The following PIK3C2A variants were observed in gnomAD, a reference collection of about 807,000 sequenced individuals.
PIK3C2A encodes phosphatidylinositol-4-phosphate 3-kinase catalytic subunit type 2 alpha, also known as phosphatidylinositol 4-phosphate 3-kinase C2 domain-containing subunit alpha.
Under a neutral mutation model 204.5 loss-of-function variants are expected in PIK3C2A, and 97 were observed. The observed-to-expected ratio is 0.47, with a 90% CI of 0.40 to 0.56. The LOEUF (loss-of-function observed/expected upper bound fraction) is 0.56, where lower values mean the gene tolerates loss of function less well. PIK3C2A is among the 20% of genes least tolerant of loss of function. The probability of loss-of-function intolerance (pLI) is 0.00; values close to 1 mark genes in which losing one functional copy is unlikely to be tolerated. For synonymous variants in PIK3C2A, 653 were observed against 664.4 expected, an observed-to-expected ratio of 0.98 and a Z score of 0.26; for missense variants, 1,735 against 1,969.2, an observed-to-expected ratio of 0.88 and a Z score of 2.25.
Position 17,169,684 on chromosome 11 carries a change from G to T in PIK3C2A, c.58C>A (p.Pro20Thr). ...TTGTCCACATCTTTTGCTCTTGTTG[G>T]TTCCGGATGTGAAGATGGACATTCT... The part of the protein sequence containing the change: ...FKECPSSHPE[P>T]TRAKDVDKEE... The change falls in exon 2 of 33, where the codon CCA (proline) becomes ACA (threonine). Residue 20 changes from proline to threonine, a missense_variant. Around this residue, in one of 6 missense-constraint regions of PIK3C2A, gnomAD observed 536 missense variants for 546.7 expected, o/e 0.98. Coordinates refer to ENST00000691414, the MANE Select transcript of PIK3C2A (RefSeq NM_002645.4). 2 of 1,610,502 alleles carry T rather than the reference G, an allele frequency of 1.2e-6. No individual in the cohort carries two copies. Among genetic ancestry groups the T allele is most frequent in the South Asian group, 1.1e-5 (1 of 90,924 alleles).
At chr11:17,173,947 C>T (rs1398922766) in intron 1 of PIK3C2A, among the ~76,000 whole-genome samples, 4 of 152,066 alleles carry the variant, frequency 2.6e-5, no homozygotes, top group Admixed American at 6.6e-5. Flanking sequence ...GGATTACAGG[C>T]GCTCGCCACC....
intron 1 of PIK3C2A, among the ~76,000 whole-genome samples, chr11:17,207,592 G>A (rs1852631214): frequency 6.6e-6 from 1 of 152,164 alleles, no homozygotes; most frequent in African/African-American, 2.4e-5. Flanking sequence ...CGAGAAGAGG[G>A]GCCTGGTGGG....
rs773671986 is a variant in PIK3C2A at position 17,122,756 on chromosome 11, A to G, written c.2457T>C (p.Ser819=). The change falls in exon 14 of 33, where the codon TCT becomes TCC. Residue 819 remains serine (S), a synonymous_variant. Coordinates refer to ENST00000691414, the MANE Select transcript of PIK3C2A (RefSeq NM_002645.4). The part of the protein sequence containing the change: ...LYLWTSSHTN[S]VPGTVTKKGY... ...CTTTTTTGGTAACTGTTCCAGGAAC[A>G]GAATTTGTATGTGATGAAGTCCAAA... 4 of 1,576,502 alleles carry G rather than the reference A, an allele frequency of 2.5e-6. No homozygotes were observed. Among genetic ancestry groups the G allele is most frequent in the Non-Finnish European group, 3.5e-6 (4 of 1,148,902 alleles).
intron 11 of PIK3C2A, among the ~76,000 whole-genome samples, chr11:17,132,840 A>G (rs1271862956): frequency 6.6e-6 from 1 of 152,160 alleles, no homozygotes; most frequent in Non-Finnish European, 1.5e-5. Context: ...GGAGTCTTCC[A>G]TTTATGGGGA....
chr11:17,186,066 C>T (rs1349975903), intron 1 of PIK3C2A, among the ~76,000 whole-genome samples: 1 of 152,204 alleles, frequency 6.6e-6, no homozygotes, highest in Non-Finnish European at 1.5e-5. Context: ...GCTTCCATCA[C>T]ACTGGCCCCC....
At chr11:17,095,226 A>C (rs1408707397) in intron 27 of PIK3C2A, among the ~76,000 whole-genome samples, 1 of 152,084 alleles carries the variant, frequency 6.6e-6, no homozygotes, top group African/African-American at 2.4e-5. Flanking sequence ...ACACTGCATC[A>C]CTGCACTCCA....
At chr11:17,153,132 T>C (rs1458005358) in intron 3 of PIK3C2A, among the ~76,000 whole-genome samples, 1 of 152,138 alleles carries the variant, frequency 6.6e-6, no homozygotes, top group African/African-American at 2.4e-5. Flanking sequence ...TATTTAACAC[T>C]ATTAGATGAA....
intron 32 of PIK3C2A, among the ~76,000 whole-genome samples, chr11:17,090,267 A>T (rs551911961): frequency 6.6e-6 from 1 of 152,266 alleles, no homozygotes; most frequent in East Asian, 1.9e-4. Flanking sequence ...TTGGGAGTTT[A>T]CAACTAGCCT....
chr11:17,111,288 A>G (rs1489392388), intron 21 of PIK3C2A, among the ~76,000 whole-genome samples: 1 of 152,184 alleles, frequency 6.6e-6, no homozygotes. Flanking sequence ...ATCAATGCCA[A>G]TATCCTGATT....
intron 8 of PIK3C2A, among the ~76,000 whole-genome samples, chr11:17,143,228 T>C (rs1430910566): frequency 3.9e-5 from 6 of 152,168 alleles, no homozygotes; most frequent in Non-Finnish European, 5.9e-5. Flanking sequence ...ACTCATACTC[T>C]TTCCCCTTCA....
At chr11:17,101,606 T>G (rs569233374) in intron 24 of PIK3C2A, among the ~76,000 whole-genome samples, 172 bp from the exon 25 acceptor site, 1 of 151,434 alleles carries the variant, frequency 6.6e-6, no homozygotes, top group Admixed American at 6.6e-5. Flanking sequence ...TCTTTTTTTT[T>G]CTTTTTTTTT....
rs745819112 is a variant in PIK3C2A, at chr11:17,169,304, T to C, written c.438A>G (p.Leu146=). 6.2e-7 allele frequency: 1 copy of C among 1,614,170 alleles called. No individual in the cohort carries two copies. Among genetic ancestry groups the C allele is most frequent in the South Asian group, 1.1e-5 (1 of 91,082 alleles). The change falls in exon 2 of 33, where the codon TTA becomes TTG. Residue 146 remains leucine (L), a synonymous_variant. Transcript: ENST00000691414. ...GTAAAGCATAAGTGGAAGGCCCAGG[T>C]AATCCAGGTGGCCACTGTCCTCTCT... ...TIQRGQWPPG[L]PGPSTYALPS...
At chr11:17,107,794 C>T (rs1405564967) in intron 22 of PIK3C2A, among the ~76,000 whole-genome samples, 2 of 152,102 alleles carry the variant, frequency 1.3e-5, no homozygotes, top group South Asian at 2.1e-4. Flanking sequence ...CAGGGTACCC[C>T]GATAGAAAGT....
intron 1 of PIK3C2A, among the ~76,000 whole-genome samples, chr11:17,181,320 A>C (rs1565296841): frequency 6.7e-6 from 1 of 149,206 alleles, no homozygotes; most frequent in African/African-American, 2.5e-5. Context: ...GAAGTTATCT[A>C]AGAGCCCCCA....
intron 25 of PIK3C2A, among the ~76,000 whole-genome samples, 158 bp downstream of exon 25, chr11:17,101,120 T>C (rs1848611142): frequency 6.6e-6 from 1 of 152,236 alleles, no homozygotes; most frequent in Non-Finnish European, 1.5e-5. Flanking sequence ...TCTGGCTTAT[T>C]TCACACGGCA....
At chr11:17,192,093 G>A (rs756586199) in intron 1 of PIK3C2A, among the ~76,000 whole-genome samples, 3 of 151,994 alleles carry the variant, frequency 2.0e-5, no homozygotes, top group Admixed American at 6.6e-5. Flanking sequence ...TGCAGCAAGC[G>A]GAGATCGCAC....
At chr11:17,157,459 C>CAAAA (rs11387654) in intron 2 of PIK3C2A, among the ~76,000 whole-genome samples, 2 of 99,616 alleles carry the variant, frequency 2.0e-5, no homozygotes, top group Non-Finnish European at 3.8e-5. Flanking sequence ...GACTCTGTCT[C>CAAAA]AAAAAAAAAA....
chr11:17,094,969 C>T (rs1848411173), intron 27 of PIK3C2A, among the ~76,000 whole-genome samples: 1 of 152,104 alleles, frequency 6.6e-6, no homozygotes, highest in South Asian at 2.1e-4. Flanking sequence ...AAAGTGTAAG[C>T]TGGGCACGGT....
chr11:17,101,085 G>A (rs1262549493), intron 25 of PIK3C2A, among the ~76,000 whole-genome samples, 193 bp downstream of exon 25: 1 of 152,144 alleles, frequency 6.6e-6, no homozygotes, highest in Non-Finnish European at 1.5e-5. Flanking sequence ...TATACAAATG[G>A]AGTCAGACAG....
Sources: gnomAD v4.1 joint callset for allele counts (sites outside exome capture counted in the v4.1 genomes callset) on GRCh38, gnomAD v4.1.1 for gene constraint, gnomAD v4.1.1 regional missense constraint, MANE v1.5 for transcripts, NCBI Gene and HGNC (gene_info 2026-07-23, HGNC 2026-07-21) for gene names.